Variants in C8B observed in about 807,000 individuals in gnomAD.
C8B encodes the protein complement component C8 beta chain.
A neutral mutation model predicts 64.6 loss-of-function variants in C8B; 67 were observed. That is an observed-to-expected ratio of 1.04 (90% CI 0.85 to 1.27). C8B has a LOEUF of 1.27. C8B is among the 50% of genes most tolerant of loss of function. C8B has a pLI of 0.00. For synonymous variants in C8B, 284 were observed against 257.7 expected (o/e 1.10, Z -0.98); for missense variants, 790 against 725.2 (o/e 1.09, Z -1.03).
chr1:56,965,572 C>T (rs1645243666), intron 1 of C8B, among the ~76,000 whole-genome samples: 1 of 152,164 alleles, frequency 6.6e-6, no homozygotes, highest in South Asian at 2.1e-4. Context: ...TAAAGAATCA[C>T]ACGGAGGCTT....
intron 1 of C8B, among the ~76,000 whole-genome samples, chr1:56,962,561 G>A (rs1557436362): frequency 6.6e-6 from 1 of 152,134 alleles, no homozygotes; most frequent in African/African-American, 2.4e-5. Context: ...AAAATCCTCT[G>A]TATGCTTTTA....
At chr1:56,933,225 A>T in intron 10 of C8B, 110 bp downstream of exon 10, 1 of 918,056 alleles carries the variant, frequency 1.1e-6, no homozygotes, top group Non-Finnish European at 1.8e-6. Context: ...AGTATCTCCC[A>T]GTGGACTAAA....
Position 56,933,428 on chromosome 1 carries a change from G to C in C8B, c.1459C>G (p.Gln487Glu), listed in dbSNP as rs1192865855. 6.2e-7 allele frequency: 1 copy of C among 1,613,418 alleles called. No individual in the cohort carries two copies. The highest frequency in any genetic ancestry group is 8.5e-7 in the Non-Finnish European group (1 of 1,179,502). ...TDFAYSSTVR[Q>E]NMKQALEEFQ... ...TCCTCCAGTGCCTGCTTCATGTTCTGCCTCACTGTGCTGGAATAGGCAAAA... is the reference window on the plus strand; with the variant it reads ...TCCTCCAGTGCCTGCTTCATGTTCTCCCTCACTGTGCTGGAATAGGCAAAA... Residue 487 changes from glutamine to glutamate, a missense_variant, in exon 10 of 12, where the codon CAG (glutamine) becomes GAG (glutamate). Coordinates refer to ENST00000371237, the MANE Select transcript of C8B (RefSeq NM_000066.4).
intron 1 of C8B, chr1:56,963,940 T>C (rs1645215334): frequency 4.1e-6 from 4 of 985,262 alleles, no homozygotes; most frequent in Non-Finnish European, 4.8e-6. Flanking sequence ...GTCTCAGCAT[T>C]TTCTGTTCCA....
chr1:56,954,912 A>T, intron 3 of C8B, 85 bp from the exon 4 acceptor site: 1 of 1,531,206 alleles, frequency 6.5e-7, no homozygotes, highest in Non-Finnish European at 9.0e-7. Flanking sequence ...CAAGTGCCAG[A>T]CCTTTTGTCA....
intron 10 of C8B, 150 bp downstream of exon 10, chr1:56,933,185 C>A: frequency 1.4e-6 from 1 of 729,188 alleles, no homozygotes; most frequent in South Asian, 1.5e-5. Context: ...ACCCTTGGGG[C>A]TAGAACCCAG....
intron 9 of C8B, among the ~76,000 whole-genome samples, chr1:56,939,066 C>T (rs669358): frequency 0.89 from 134,878 of 152,290 alleles, 59,853 homozygotes; most frequent in South Asian, 0.96. Flanking sequence ...TGCTTGGCAT[C>T]TGACATTCTC....
At chr1:56,949,992 T>C (rs1326658245) in intron 5 of C8B, among the ~76,000 whole-genome samples, 6 of 152,140 alleles carry the variant, frequency 3.9e-5, no homozygotes, top group Non-Finnish European at 7.4e-5. Context: ...GTATTTCAAC[T>C]GGCAAAAATG....
At position 56,945,962 on chromosome 1, in the gene C8B, T is replaced by G. The variant is rs1301107396; in HGVS notation, c.964A>C (p.Lys322Gln). ...TAGCTGTACTCCAGGGGCAGCCGCT[T>G]AACTCTCTGAAGGAACTCGTAATGG... ...MLHYEFLQRV[K>Q]RLPLEYSYGE... Residue 322 changes from lysine (K) to glutamine (Q), a missense_variant, in exon 7 of 12, where the codon AAG (lysine) becomes CAG (glutamine). Transcript: ENST00000371237. The G allele has an allele frequency of 3.2e-5, 52 of 1,614,176 alleles. No individual in the cohort carries two copies. The highest frequency in any genetic ancestry group is 4.4e-5 in the Non-Finnish European group (52 of 1,180,028).
chr1:56,963,459 T>A (rs970338463), intron 1 of C8B, among the ~76,000 whole-genome samples: 3 of 152,098 alleles, frequency 2.0e-5, no homozygotes, highest in Admixed American at 6.5e-5. Flanking sequence ...ATTTCTCTTC[T>A]CTCTGTCGTT....
At chr1:56,961,458 C>A (rs1370919103) in intron 1 of C8B, among the ~76,000 whole-genome samples, 2 of 152,184 alleles carry the variant, frequency 1.3e-5, no homozygotes, top group Non-Finnish European at 2.9e-5. Flanking sequence ...AGGGACACAT[C>A]CACGGTCATG....
chr1:56,946,127 A>T, intron 6 of C8B, 66 bp from the exon 7 acceptor site: 1 of 1,587,212 alleles, frequency 6.3e-7, no homozygotes, highest in South Asian at 1.1e-5. Context: ...GAGAAGATGA[A>T]CTTTACAAAT....
chr1:56,955,420 A>G (rs1645088468), intron 3 of C8B, among the ~76,000 whole-genome samples: 1 of 152,176 alleles, frequency 6.6e-6, no homozygotes, highest in Non-Finnish European at 1.5e-5. Context: ...TTGGATTATG[A>G]AAAATTATTT....
intron 3 of C8B, among the ~76,000 whole-genome samples, chr1:56,955,213 G>T (rs767450325): frequency 4.6e-5 from 7 of 152,288 alleles, no homozygotes; most frequent in Middle Eastern, 3.4e-3. Flanking sequence ...ATCCCATAAG[G>T]TTGTTCGAAG....
At chr1:56,940,464 G>C (rs1239568774) in intron 9 of C8B, among the ~76,000 whole-genome samples, 1 of 151,950 alleles carries the variant, frequency 6.6e-6, no homozygotes, top group Non-Finnish European at 1.5e-5. Context: ...TGGCTACTTA[G>C]GAGGTTGAGG....
rs867625308 is a variant in C8B at position 56,946,103 on chromosome 1, T to C, written c.865-42A>G. ...CATGGGAAAACCAGACCTTTAAAGTTAGGAATCTGGAACGAGAAGATGAAC... is the reference window on the plus strand; with the variant it reads ...CATGGGAAAACCAGACCTTTAAAGTCAGGAATCTGGAACGAGAAGATGAAC... On this transcript the variant is annotated intron_variant, in intron 6 of 11. Coordinates refer to ENST00000371237, the MANE Select transcript of C8B (RefSeq NM_000066.4). The C allele has an allele frequency of 9.3e-6, 15 of 1,612,108 alleles. No homozygotes were observed. The African/African-American group carries it at 1.7e-4, about 19-fold the overall frequency.
chr1:56,956,612 A>T (rs1402066925), intron 3 of C8B, among the ~76,000 whole-genome samples, 157 bp downstream of exon 3: 6 of 152,192 alleles, frequency 3.9e-5, no homozygotes, highest in African/African-American at 9.6e-5. Context: ...TTATAAAATA[A>T]TGCATGTGAA....
At chr1:56,961,078 C>T (rs1182662622) in intron 1 of C8B, among the ~76,000 whole-genome samples, 3 of 152,218 alleles carry the variant, frequency 2.0e-5, no homozygotes, top group Admixed American at 6.5e-5. Context: ...TAAGGCAATG[C>T]TTTTGGTTCA....
Position 56,940,917 on chromosome 1 carries a change from GC to G in C8B, c.1329del (p.Pro444ArgfsTer5). 1 of 1,614,048 alleles carries G rather than the reference GC, an allele frequency of 6.2e-7. No homozygotes were observed. On this transcript the variant is annotated frameshift_variant, in exon 9 of 12. Transcript: ENST00000371237. LOFTEE classifies it high-confidence loss of function. Reference protein sequence around the residue: ...EHITTLAYQELPTADLMQEWG... With the variant: ...EHITTLAYQEXPTADLMQEWG... ...CACTCCTGCATCAGGTCCGCCGTCGGCAGCTCCTGGTATGCCAGGGTGGTGA... is the reference window on the plus strand; with the variant it reads ...CACTCCTGCATCAGGTCCGCCGTCGGAGCTCCTGGTATGCCAGGGTGGTGA...
Sources: gnomAD v4.1 joint callset for allele counts (sites outside exome capture counted in the v4.1 genomes callset) on GRCh38, gnomAD v4.1.1 for gene constraint, MANE v1.5 for transcripts, NCBI Gene and HGNC (gene_info 2026-07-23, HGNC 2026-07-21) for gene names.